Variants in PCDH10 observed in about 807,000 individuals in gnomAD.
PCDH10 encodes the protein protocadherin 10.
Under a neutral mutation model 74.4 loss-of-function variants are expected in PCDH10, and 15 were observed. The ratio of observed to expected loss-of-function variants is 0.20; its 90% CI spans 0.13 to 0.31. The LOEUF (loss-of-function observed/expected upper bound fraction) is 0.31, where lower values mean the gene tolerates loss of function less well. Among genes scored for constraint, PCDH10 ranks in the 10% least tolerant of loss-of-function variants. The pLI is 1.00. For synonymous variants in PCDH10, 619 were observed against 589.8 expected (o/e 1.05, Z -0.72); for missense variants, 1,260 against 1,390.2 (o/e 0.91, Z 1.49).
downstream of PCDH10, among the ~76,000 whole-genome samples, chr4:133,198,559 T>G (rs771657145): frequency 5.3e-5 from 8 of 152,198 alleles, no homozygotes; most frequent in Non-Finnish European, 1.2e-4. Context: ...TCTTTGACAA[T>G]GATGTATGGC....
Position 133,190,922 on chromosome 4 carries a change from C to T in PCDH10, c.*762C>T, listed in dbSNP as rs1357060726. 1 of 152,240 alleles carries T rather than the reference C, an allele frequency of 6.6e-6. No individual in the cohort carries two copies. The highest frequency in any genetic ancestry group is 6.6e-5 in the Admixed American group (1 of 15,168). The allele number at this position is 152,240 out of a possible 1,614,324, so 9.4% of individuals were successfully genotyped here. On this transcript the variant is annotated 3_prime_UTR_variant, in exon 5 of 5. Transcript: ENST00000264360. ...AATAGTTTTCTCCCAATTTCCATAT[C>T]TTACTCAACCGTGTTTTTCCTTGTT... is the stretch of plus-strand genomic sequence containing the variant.
rs757663766 is a variant in PCDH10 at position 133,152,688 on chromosome 4, C to A, written c.2548C>A (p.His850Asn). 6.2e-7 allele frequency: 1 copy of A among 1,614,224 alleles called. No individual in the cohort carries two copies. Among genetic ancestry groups the A allele is most frequent in the South Asian group, 1.1e-5 (1 of 91,080 alleles). Residue 850 changes from histidine to asparagine, a missense_variant, in exon 1 of 5, where the codon CAC becomes AAC. Physicochemically the swap from His to Asn is moderately conservative, Grantham distance 68. Coordinates refer to ENST00000264360, the MANE Select transcript of PCDH10 (RefSeq NM_032961.3). ...CSPSRSTDTE[H>N]NPCGAIVTGY... ...CCCTTCGCGGAGTACGGACACTGAG[C>A]ACAACCCCTGCGGGGCCATCGTCAC...
rs770920439 is a variant in PCDH10 at position 133,151,674 on chromosome 4, G to A, written c.1534G>A (p.Val512Ile). The change falls in exon 1 of 5, where the codon GTC becomes ATC. Residue 512 changes from valine (V) to isoleucine (I), a missense_variant. Around this residue, in one of 11 missense-constraint regions of PCDH10, gnomAD observed 587 missense variants for 616.9 expected, o/e 0.95. Transcript: ENST00000264360. ...CGAGTGCCAGATCCAGGGCATGAGC[G>A]TCTTCACCTACGTTTCTATCAACTC... ...ILECQIQGMS[V>I]FTYVSINSEN... The A allele has an allele frequency of 1.9e-6, 3 of 1,613,514 alleles. No individual in the cohort carries two copies. The highest frequency in any genetic ancestry group is 2.5e-6 in the Non-Finnish European group (3 of 1,180,048).
downstream of PCDH10, among the ~76,000 whole-genome samples, chr4:133,196,863 T>A (rs971835469): frequency 1.3e-5 from 2 of 152,240 alleles, no homozygotes; most frequent in Non-Finnish European, 2.9e-5. Context: ...AAGTAGTATA[T>A]GTTATTAAAC....
In PCDH10 at chr4:133,182,200, C is replaced by CAAT. The variant is rs1050546756; in HGVS notation, c.3104-7940_3104-7938dup. ...CAACATTCCTGTAGTCAGGAATGAC[C>CAAT]AATCCCATTCAGCATTTTCATGCCT... On this transcript the variant is annotated intron_variant, in intron 4 of 4. Coordinates refer to ENST00000264360, the MANE Select transcript of PCDH10 (RefSeq NM_032961.3). 6.4e-4 allele frequency among the ~76,000 whole-genome samples: 98 copies of CAAT among 152,098 alleles called. 2 individuals carry two copies. Among genetic ancestry groups the CAAT allele is most frequent in the Admixed American group, 5.1e-3 (78 of 15,248 alleles).
chr4:133,158,215 A>G (rs1277530947), intron 3 of PCDH10, among the ~76,000 whole-genome samples: 1 of 152,194 alleles, frequency 6.6e-6, no homozygotes, highest in Non-Finnish European at 1.5e-5. Context: ...TATTTCTTCT[A>G]TTTTAGGATA....
In PCDH10 at chr4:133,152,562, G is replaced by C. The variant is rs752009901; in HGVS notation, c.2422G>C (p.Gly808Arg). 28 of 1,614,050 alleles carry C rather than the reference G, an allele frequency of 1.7e-5. 1 individual carries two copies. In the South Asian group the frequency reaches 3.0e-4, roughly 17 times the overall value. ...GGCCCAGGTGCCGATAGAGGAGTCCGGGGGCTTTGGCTCCCACCACCACAA... is the reference window on the plus strand; with the variant it reads ...GGCCCAGGTGCCGATAGAGGAGTCCCGGGGCTTTGGCTCCCACCACCACAA... ...NPAQVPIEES[G>R]GFGSHHHNQN... Residue 808 changes from glycine to arginine, a missense_variant, in exon 1 of 5, where the codon GGG becomes CGG. Coordinates refer to ENST00000264360, the MANE Select transcript of PCDH10 (RefSeq NM_032961.3).
intron 4 of PCDH10, among the ~76,000 whole-genome samples, chr4:133,181,704 A>C (rs1350481753): frequency 1.3e-5 from 2 of 151,758 alleles, no homozygotes; most frequent in Non-Finnish European, 2.9e-5. Context: ...AACATTTTTA[A>C]CCCCCTTCTT....
intron 2 of PCDH10, among the ~76,000 whole-genome samples, chr4:133,201,587 T>G (rs1396822053): frequency 1.4e-4 from 21 of 151,952 alleles, no homozygotes; most frequent in Admixed American, 1.4e-3. Flanking sequence ...CTAGGCGGGG[T>G]GGCTCACACC....
chr4:133,195,576 GGTC>G (rs1727779667), downstream of PCDH10, among the ~76,000 whole-genome samples: 1 of 151,870 alleles, frequency 6.6e-6, no homozygotes, highest in Non-Finnish European at 1.5e-5. Context: ...CATATACTGA[GGTC>G]TAACAGTGCG....
At chr4:133,199,008 C>T (rs1039415094), downstream of PCDH10, among the ~76,000 whole-genome samples, 2 of 152,092 alleles carry the variant, frequency 1.3e-5, no homozygotes, top group Admixed American at 1.3e-4. Context: ...GCCTGGCTGG[C>T]GGCTCACACT....
chr4:133,206,410 G>T (rs899287822), intron 2 of PCDH10, among the ~76,000 whole-genome samples: 1 of 152,142 alleles, frequency 6.6e-6, no homozygotes, highest in Non-Finnish European at 1.5e-5. Context: ...GGACATCTGG[G>T]AGGTCTAACT....
At position 133,163,120 on chromosome 4, in the gene PCDH10, G is replaced by T; in HGVS notation, c.2941G>T (p.Val981Phe). The T allele has an allele frequency of 6.2e-7, 1 of 1,614,144 alleles. No homozygotes were observed. Among genetic ancestry groups the T allele is most frequent in the South Asian group, 1.1e-5 (1 of 91,082 alleles). Residue 981 changes from valine to phenylalanine, a missense_variant, in exon 4 of 5, where the codon GTT becomes TTT. Physicochemically the swap from Val to Phe is conservative, Grantham distance 50. This residue lies in a region of PCDH10 where 136 missense variants were observed against 149.3 expected (regional missense o/e 0.91). Coordinates refer to ENST00000264360, the MANE Select transcript of PCDH10 (RefSeq NM_032961.3). ...SNLHVPGMDS[V>F]PDTEVFETPE... The stretch of plus-strand genomic sequence containing the variant: ...TCTGCATGTTCCTGGCATGGACTCT[G>T]TTCCAGACACTGAGGTGTTTGAAAC...
In PCDH10 at chr4:133,193,577, CAGTT is replaced by C. The variant is rs965173823; in HGVS notation, c.*3421_*3424del. On this transcript the variant is annotated 3_prime_UTR_variant, in exon 5 of 5. Transcript: ENST00000264360. ...CTTCTAAACATTATTTACTGGAGCT[CAGTT>C]AGTCTTTAAAACAATTACTCAGGCA... 1 of 151,542 alleles carries C rather than the reference CAGTT, an allele frequency of 6.6e-6. No homozygotes were observed. Among genetic ancestry groups the C allele is most frequent in the African/African-American group, 2.4e-5 (1 of 41,376 alleles). The allele number at this position is 151,542 out of a possible 1,614,324, so 9.4% of individuals were successfully genotyped here. A position where few individuals can be genotyped will look rare whatever the true frequency, so the allele number is the denominator to read the frequency against.
At chr4:133,154,747 C>T (rs1726827217) in intron 2 of PCDH10, 170 bp from the exon 3 acceptor site, 1 of 582,374 alleles carries the variant, frequency 1.7e-6, no homozygotes, top group East Asian at 2.8e-5. Flanking sequence ...GTTAATCGAT[C>T]ATTTTTAAAT....
At chr4:133,196,175 A>T (rs896461704), downstream of PCDH10, among the ~76,000 whole-genome samples, 2 of 152,142 alleles carry the variant, frequency 1.3e-5, no homozygotes, top group African/African-American at 4.8e-5. Flanking sequence ...AGACAGGGGA[A>T]TTGCAATAGA....
In PCDH10 at chr4:133,203,197, T is replaced by C. The variant is rs1560719925; in HGVS notation, n.438-4879T>C. Among the ~76,000 whole-genome samples the C allele has an allele frequency of 2.6e-5, 4 of 152,150 alleles. No individual in the cohort carries two copies. In the South Asian group the frequency reaches 8.3e-4, roughly 32 times the overall value. ...CAAGGAGAAGTCCACTGTCAGCTTA[T>C]GGCCATGGTATAGAGATAGTATAGA... On this transcript the variant is annotated intron_variant and non_coding_transcript_variant, in intron 2 of 2. Coordinates refer to the PCDH10 transcript ENST00000511112.
Position 133,150,003 on chromosome 4 carries a change from A to G in PCDH10, c.-138A>G, listed in dbSNP as rs1726617351. ...ATGAAGCAAAAGGAGTAAGATTTTT[A>G]AAGACAGAAAGCCACAGGAGCCCCC... On this transcript the variant is annotated 5_prime_UTR_variant, in exon 1 of 5. Coordinates refer to ENST00000264360, the MANE Select transcript of PCDH10 (RefSeq NM_032961.3). 3 of 1,250,486 alleles carry G rather than the reference A, an allele frequency of 2.4e-6. No homozygotes were observed. The highest frequency in any genetic ancestry group is 3.2e-6 in the Non-Finnish European group (3 of 947,678). 77.5% of individuals were successfully genotyped at this position (1,250,486 alleles called of 1,614,324 possible). A position where few individuals can be genotyped will look rare whatever the true frequency, so the allele number is the denominator to read the frequency against.
intron 4 of PCDH10, among the ~76,000 whole-genome samples, chr4:133,169,067 T>C (rs1412647341): frequency 6.6e-6 from 1 of 151,718 alleles, no homozygotes; most frequent in Non-Finnish European, 1.5e-5. Context: ...TTATTTCATA[T>C]CCTAAGGCAG....
Sources: gnomAD v4.1 joint callset for allele counts (sites outside exome capture counted in the v4.1 genomes callset) on GRCh38, gnomAD v4.1.1 for gene constraint, gnomAD v4.1.1 regional missense constraint, MANE v1.5 for transcripts, NCBI Gene and HGNC (gene_info 2026-07-23, HGNC 2026-07-21) for gene names.